Variants in SAMD3 observed in about 807,000 individuals in gnomAD.
The protein encoded by SAMD3 is sterile alpha motif domain-containing protein 3.
Under a neutral mutation model 58.5 loss-of-function variants are expected in SAMD3, and 63 were observed. The ratio of observed to expected loss-of-function variants is 1.08; its 90% CI spans 0.88 to 1.33. SAMD3 has a LOEUF of 1.33. SAMD3 is among the 40% of genes most tolerant of loss of function. The probability of loss-of-function intolerance (pLI) is 0.00; values close to 1 mark genes in which losing one functional copy is unlikely to be tolerated. For synonymous variants in SAMD3, 220 were observed against 210.3 expected (o/e 1.05, Z -0.40); for missense variants, 604 against 608.4 (o/e 0.99, Z 0.08).
intron 2 of SAMD3, among the ~76,000 whole-genome samples, chr6:130,277,808 T>C (rs1774834109): frequency 6.6e-6 from 1 of 152,156 alleles, no homozygotes; most frequent in South Asian, 2.1e-4. Context: ...ACCGACTCCT[T>C]CTTGCTTCTA....
chr6:130,188,885 G>C (rs996349141), intron 5 of SAMD3, among the ~76,000 whole-genome samples: 4 of 152,104 alleles, frequency 2.6e-5, no homozygotes, highest in African/African-American at 9.6e-5. Context: ...CACATGGCTT[G>C]GTTCCTGCCC....
upstream of SAMD3, among the ~76,000 whole-genome samples, chr6:130,223,281 T>C (rs945558199): frequency 2.6e-5 from 4 of 152,336 alleles, no homozygotes; most frequent in Non-Finnish European, 5.9e-5. Flanking sequence ...TCTAGTGTCT[T>C]GAGGCTTCAT....
intron 1 of SAMD3, among the ~76,000 whole-genome samples, chr6:130,322,505 C>T (rs534952918): frequency 6.6e-6 from 1 of 152,252 alleles, no homozygotes; most frequent in South Asian, 2.1e-4. Flanking sequence ...GGCATGGTGA[C>T]ACACGCCTGT....
intron 2 of SAMD3, among the ~76,000 whole-genome samples, chr6:130,259,322 G>A (rs923546722): frequency 1.2e-4 from 18 of 152,190 alleles, no homozygotes; most frequent in African/African-American, 3.9e-4. Context: ...TCCACTCACT[G>A]TAGAGGGCAA....
intron 5 of SAMD3, among the ~76,000 whole-genome samples, chr6:130,209,056 C>T (rs1582932228): frequency 6.6e-6 from 1 of 151,940 alleles, no homozygotes; most frequent in Admixed American, 6.6e-5. Flanking sequence ...AAATGTTTAC[C>T]AAAATAACTG....
intron 5 of SAMD3, among the ~76,000 whole-genome samples, chr6:130,190,465 T>C (rs752544937): frequency 3.3e-5 from 5 of 152,080 alleles, no homozygotes; most frequent in Non-Finnish European, 5.9e-5. Context: ...CCAGAATGAC[T>C]GAAATGATAG....
chr6:130,244,984 G>A (rs1238976265), intron 2 of SAMD3, among the ~76,000 whole-genome samples: 23 of 152,184 alleles, frequency 1.5e-4, no homozygotes, highest in Admixed American at 1.5e-3. Context: ...ATGGAAAGCA[G>A]TATTGTGACT....
At chr6:130,174,985 T>C (rs962560196) in intron 8 of SAMD3, among the ~76,000 whole-genome samples, 5 of 152,222 alleles carry the variant, frequency 3.3e-5, no homozygotes, top group African/African-American at 1.2e-4. Flanking sequence ...GCTTTGCCCT[T>C]TTATTATCCA....
In SAMD3 at chr6:130,150,692, T is replaced by C. The variant is rs2152191; in HGVS notation, c.1023+4133A>G. Among the ~76,000 whole-genome samples the C allele has an allele frequency of 3.5e-3, 530 of 151,696 alleles. 2 individuals are homozygous for C. The highest frequency in any genetic ancestry group is 0.012 in the African/African-American group (506 of 41,372). ...GAATGCTGAGGTGTTCTGCAGGGTC[T>C]CTACACACTGGGCCAGAATTCTTTT... On this transcript the variant is annotated intron_variant, in intron 9 of 11. Coordinates refer to ENST00000439090, the MANE Select transcript of SAMD3 (RefSeq NM_001017373.4).
intron 2 of SAMD3, among the ~76,000 whole-genome samples, chr6:130,246,661 C>T (rs370146444): frequency 9.2e-5 from 14 of 152,258 alleles, no homozygotes; most frequent in Non-Finnish European, 1.2e-4. Flanking sequence ...GAAGCTGAGG[C>T]GGGTGGATCA....
At chr6:130,243,908 C>T (rs1394399183) in intron 2 of SAMD3, among the ~76,000 whole-genome samples, 1 of 152,176 alleles carries the variant, frequency 6.6e-6, no homozygotes, top group Admixed American at 6.5e-5. Context: ...CCAACAGTCT[C>T]ATGAATATAT....
At chr6:130,167,111 T>C (rs1790801771) in intron 8 of SAMD3, among the ~76,000 whole-genome samples, 1 of 152,158 alleles carries the variant, frequency 6.6e-6, no homozygotes, top group African/African-American at 2.4e-5. Context: ...TACTCTATAA[T>C]GGTTAAAATC....
At chr6:130,328,675 A>G (rs1776831436) in intron 1 of SAMD3, among the ~76,000 whole-genome samples, 1 of 152,174 alleles carries the variant, frequency 6.6e-6, no homozygotes, top group African/African-American at 2.4e-5. Flanking sequence ...ACTAGGATCA[A>G]TTAGGCCTCA....
At chr6:130,302,005 C>T (rs1775763700) in intron 2 of SAMD3, among the ~76,000 whole-genome samples, 1 of 152,030 alleles carries the variant, frequency 6.6e-6, no homozygotes, top group Non-Finnish European at 1.5e-5. Flanking sequence ...AGGAAAAACT[C>T]TTGTGGACAT....
chr6:130,325,310 C>G (rs1170446309), intron 1 of SAMD3, among the ~76,000 whole-genome samples: 1 of 151,298 alleles, frequency 6.6e-6, no homozygotes, highest in African/African-American at 2.5e-5. Flanking sequence ...GGACAAAAGA[C>G]CTGCGAACCT....
At chr6:130,276,319 A>G (rs560306523) in intron 2 of SAMD3, among the ~76,000 whole-genome samples, 82 of 152,302 alleles carry the variant, frequency 5.4e-4, no homozygotes, top group African/African-American at 1.8e-3. Flanking sequence ...AATTGGTTAA[A>G]TAATCATTTT....
intron 1 of SAMD3, among the ~76,000 whole-genome samples, chr6:130,355,568 A>T (rs1205142800): frequency 6.6e-6 from 1 of 152,230 alleles, no homozygotes; most frequent in Non-Finnish European, 1.5e-5. Flanking sequence ...AAGACATAAC[A>T]TCTTCTCTAA....
chr6:130,338,991 C>T (rs1777183114), intron 1 of SAMD3, among the ~76,000 whole-genome samples: 2 of 151,964 alleles, frequency 1.3e-5, no homozygotes, highest in South Asian at 2.1e-4. Context: ...TTGGGAGGGG[C>T]CAGGGGCAGA....
chr6:130,156,443 C>G (rs1789791000), intron 8 of SAMD3, among the ~76,000 whole-genome samples: 1 of 152,172 alleles, frequency 6.6e-6, no homozygotes, highest in South Asian at 2.1e-4. Context: ...CACTCTCGTT[C>G]ATGAACAAAG....
Sources: gnomAD v4.1 joint callset for allele counts (sites outside exome capture counted in the v4.1 genomes callset) on GRCh38, gnomAD v4.1.1 for gene constraint, MANE v1.5 for transcripts, NCBI Gene and HGNC (gene_info 2026-07-23, HGNC 2026-07-21) for gene names.